Variants in CSMD1 observed in about 807,000 individuals in gnomAD.
CSMD1 encodes CUB and sushi domain-containing protein 1.
A neutral mutation model predicts 417.5 loss-of-function variants in CSMD1; 213 were observed. The ratio of observed to expected loss-of-function variants is 0.51; its 90% CI spans 0.46 to 0.57. CSMD1 has a LOEUF of 0.57. CSMD1 is among the 20% of genes least tolerant of loss of function. The pLI, the probability that CSMD1 is intolerant of heterozygous loss-of-function variation, is 0.00. For synonymous variants in CSMD1, 2,862 were observed against 1,736.8 expected, an observed-to-expected ratio of 1.65 and a Z score of -16.11; for missense variants, 6,923 against 4,529.7, an observed-to-expected ratio of 1.53 and a Z score of -15.17.
intron 17 of CSMD1, among the ~76,000 whole-genome samples, chr8:3,388,676 G>C (rs1563336957): frequency 6.6e-6 from 1 of 152,118 alleles, no homozygotes; most frequent in Non-Finnish European, 1.5e-5. Flanking sequence ...TTCTTAAACT[G>C]TTTTTCTAAC....
chr8:4,969,154 C>A (rs920209175), intron 1 of CSMD1, among the ~76,000 whole-genome samples: 1 of 152,048 alleles, frequency 6.6e-6, no homozygotes, highest in Non-Finnish European at 1.5e-5. Context: ...CTTTATTATA[C>A]CATTATCATG....
intron 5 of CSMD1, among the ~76,000 whole-genome samples, chr8:3,956,802 G>T (rs1383994163): frequency 6.6e-6 from 1 of 152,114 alleles, no homozygotes; most frequent in Non-Finnish European, 1.5e-5. Context: ...GGAGCTTGAA[G>T]GACACCCAGC....
chr8:3,507,562 TC>T (rs1213242076), intron 10 of CSMD1, among the ~76,000 whole-genome samples: 1 of 152,178 alleles, frequency 6.6e-6, no homozygotes, highest in Admixed American at 6.5e-5. Context: ...TAGTTCTAGA[TC>T]CCTGAGGAAT....
chr8:3,358,698 C>T (rs1003933378), intron 21 of CSMD1, among the ~76,000 whole-genome samples: 1 of 152,184 alleles, frequency 6.6e-6, no homozygotes, highest in African/African-American at 2.4e-5. Flanking sequence ...GTGCAACCAT[C>T]ATCCCATCAA....
chr8:3,068,530 G>A (rs1299529744), intron 49 of CSMD1, among the ~76,000 whole-genome samples: 1 of 152,208 alleles, frequency 6.6e-6, no homozygotes, highest in Non-Finnish European at 1.5e-5. Flanking sequence ...AGAAATACCT[G>A]AGACTGGGTA....
intron 1 of CSMD1, among the ~76,000 whole-genome samples, chr8:4,672,415 G>C (rs1316037089): frequency 6.6e-6 from 1 of 152,100 alleles, no homozygotes; most frequent in Non-Finnish European, 1.5e-5. Flanking sequence ...AGTATGGGCA[G>C]AAAATATTTG....
intron 5 of CSMD1, among the ~76,000 whole-genome samples, chr8:3,892,262 A>G (rs1807025695): frequency 6.6e-6 from 1 of 152,334 alleles, no homozygotes; most frequent in Non-Finnish European, 1.5e-5. Context: ...TGAACATTCA[A>G]TAATCCAGCA....
intron 3 of CSMD1, among the ~76,000 whole-genome samples, chr8:4,066,432 C>T (rs961801705): frequency 6.6e-6 from 1 of 152,194 alleles, no homozygotes; most frequent in Non-Finnish European, 1.5e-5. Flanking sequence ...GAGTGCCTTG[C>T]ACATGCTAGC....
intron 5 of CSMD1, among the ~76,000 whole-genome samples, chr8:3,986,798 C>T (rs781458486): frequency 6.6e-6 from 1 of 151,956 alleles, no homozygotes; most frequent in Non-Finnish European, 1.5e-5. Flanking sequence ...CCCTGTTGCC[C>T]AGGCTGGAAT....
intron 3 of CSMD1, among the ~76,000 whole-genome samples, chr8:4,413,182 T>G (rs34551084): frequency 1.3e-5 from 2 of 152,138 alleles, no homozygotes; most frequent in Middle Eastern, 3.2e-3. Context: ...ACACCTTAAA[T>G]TCACAAACAT....
intron 3 of CSMD1, among the ~76,000 whole-genome samples, chr8:4,360,117 C>G (rs1801666397): frequency 1.3e-5 from 2 of 152,164 alleles, no homozygotes. Flanking sequence ...CTGGTTTCCT[C>G]TCTGCAGGTT....
At chr8:3,867,258 A>C (rs1188231550) in intron 5 of CSMD1, among the ~76,000 whole-genome samples, 1 of 152,208 alleles carries the variant, frequency 6.6e-6, no homozygotes, top group Non-Finnish European at 1.5e-5. Context: ...TGTAAGAAGC[A>C]AGACCATACC....
chr8:4,675,258 C>T (rs1210918699), intron 1 of CSMD1, among the ~76,000 whole-genome samples: 1 of 152,150 alleles, frequency 6.6e-6, no homozygotes, highest in Non-Finnish European at 1.5e-5. Flanking sequence ...ACACTTAAAA[C>T]TTTCACTTCT....
intron 49 of CSMD1, among the ~76,000 whole-genome samples, chr8:3,058,656 G>C (rs1812394640): frequency 6.6e-6 from 1 of 151,900 alleles, no homozygotes; most frequent in Admixed American, 6.6e-5. Flanking sequence ...CCATGCTGAT[G>C]GCACTAATAT....
intron 4 of CSMD1, among the ~76,000 whole-genome samples, chr8:4,022,366 G>C (rs1200448518): frequency 6.6e-6 from 1 of 151,988 alleles, no homozygotes; most frequent in Admixed American, 6.6e-5. Context: ...TTAAAATCAT[G>C]AAGCAACACT....
At chr8:4,246,963 C>A (rs945388269) in intron 3 of CSMD1, among the ~76,000 whole-genome samples, 1 of 152,156 alleles carries the variant, frequency 6.6e-6, no homozygotes, top group African/African-American at 2.4e-5. Context: ...TATGGAAACA[C>A]TTTAGACGAA....
chr8:3,191,919 G>C (rs1796448632), intron 33 of CSMD1, among the ~76,000 whole-genome samples: 1 of 152,110 alleles, frequency 6.6e-6, no homozygotes, highest in Non-Finnish European at 1.5e-5. Flanking sequence ...TCCTTTAGCA[G>C]AATGTTCTCG....
chr8:3,550,695 T>G (rs1474991814), intron 10 of CSMD1, among the ~76,000 whole-genome samples: 1 of 152,204 alleles, frequency 6.6e-6, no homozygotes, highest in Non-Finnish European at 1.5e-5. Context: ...ATCTTGCTAT[T>G]TGTTTGCTTG....
intron 3 of CSMD1, among the ~76,000 whole-genome samples, chr8:4,388,476 C>G (rs1336083589): frequency 1.3e-5 from 2 of 151,298 alleles, no homozygotes; most frequent in African/African-American, 4.9e-5. Context: ...ATCATATGTT[C>G]TCACTGATAT....
Sources: gnomAD v4.1 joint callset for allele counts (sites outside exome capture counted in the v4.1 genomes callset) on GRCh38, gnomAD v4.1.1 for gene constraint, MANE v1.5 for transcripts, NCBI Gene and HGNC (gene_info 2026-07-23, HGNC 2026-07-21) for gene names.